PDZRN4: variants seen among roughly 807,000 people sequenced by gnomAD.
The protein encoded by PDZRN4 is PDZ domain-containing RING finger protein 4.
PDZRN4 carries 70 observed loss-of-function variants against 99.0 expected under a neutral mutation model. The ratio of observed to expected loss-of-function variants is 0.71; its 90% CI spans 0.58 to 0.86. PDZRN4 has a LOEUF of 0.86. PDZRN4 is among the 40% of genes least tolerant of loss of function. The pLI, the probability that PDZRN4 is intolerant of heterozygous loss-of-function variation, is 0.00. For missense variants in PDZRN4, 1,474 were observed against 1,331.2 expected, an observed-to-expected ratio of 1.11 and a Z score of -1.67; for synonymous variants, 551 against 501.6, an observed-to-expected ratio of 1.10 and a Z score of -1.32.
At chr12:41,521,467 A>T (rs1442111817) in intron 5 of PDZRN4, among the ~76,000 whole-genome samples, 1 of 152,118 alleles carries the variant, frequency 6.6e-6, no homozygotes, top group Admixed American at 6.6e-5. Flanking sequence ...ACAATAAGAG[A>T]TATTAGAGAT....
chr12:41,280,812 T>C (rs1951379482), intron 3 of PDZRN4, among the ~76,000 whole-genome samples: 1 of 152,160 alleles, frequency 6.6e-6, no homozygotes, highest in Admixed American at 6.5e-5. Flanking sequence ...CGTTCATACC[T>C]GCAGGCTCTA....
At chr12:41,490,236 A>G (rs1276813155) in intron 3 of PDZRN4, among the ~76,000 whole-genome samples, 1 of 152,158 alleles carries the variant, frequency 6.6e-6, no homozygotes, top group Non-Finnish European at 1.5e-5. Flanking sequence ...TGTGTTTGAA[A>G]CTTACCATGG....
At chr12:41,382,947 T>G (rs1465263524) in intron 3 of PDZRN4, among the ~76,000 whole-genome samples, 1 of 152,220 alleles carries the variant, frequency 6.6e-6, no homozygotes, top group Non-Finnish European at 1.5e-5. Flanking sequence ...ATAAAATGAT[T>G]CATAACCTTT....
chr12:41,521,244 A>C (rs1407046796), intron 5 of PDZRN4, among the ~76,000 whole-genome samples: 1 of 152,096 alleles, frequency 6.6e-6, no homozygotes, highest in Non-Finnish European at 1.5e-5. Flanking sequence ...GTTAAATCTG[A>C]TACTTTTTCT....
chr12:41,200,870 C>A (rs186581806), intron 3 of PDZRN4, among the ~76,000 whole-genome samples: 21 of 152,150 alleles, frequency 1.4e-4, no homozygotes, highest in Non-Finnish European at 2.6e-4. Context: ...CCATTTGAAC[C>A]ATATACGTTT....
chr12:41,289,210 C>T (rs1352261927), intron 3 of PDZRN4, among the ~76,000 whole-genome samples: 3 of 152,186 alleles, frequency 2.0e-5, no homozygotes, highest in African/African-American at 2.4e-5. Flanking sequence ...AGTTCATGCT[C>T]ATCCACGAAC....
At chr12:41,415,134 T>C (rs944420846) in intron 3 of PDZRN4, among the ~76,000 whole-genome samples, 2 of 152,040 alleles carry the variant, frequency 1.3e-5, no homozygotes, top group African/African-American at 4.8e-5. Context: ...TATACCTCCA[T>C]TGAGATGAGC....
At chr12:41,439,180 G>A (rs1180697849) in intron 3 of PDZRN4, among the ~76,000 whole-genome samples, 1 of 152,152 alleles carries the variant, frequency 6.6e-6, no homozygotes, top group Non-Finnish European at 1.5e-5. Context: ...AAAAATGACT[G>A]CTTTATCACC....
intron 6 of PDZRN4, among the ~76,000 whole-genome samples, chr12:41,555,240 A>AAAAAAGAAAAG (rs1939134840): frequency 1.5e-5 from 2 of 136,566 alleles, no homozygotes; most frequent in Non-Finnish European, 3.1e-5. Flanking sequence ...CAAAAAAAAA[A>AAAAAAGAAAAG]AAAAAAAAAG....
In PDZRN4 at chr12:41,558,515, C is replaced by T. The variant is rs559219391; in HGVS notation, c.1365+2755C>T. ...GTTATTAAAATTTCATTCATTTGTT[C>T]TGTGGGTATAGTTGGATGGAAATAA... On this transcript the variant is annotated intron_variant, in intron 7 of 9. Coordinates refer to ENST00000402685, the MANE Select transcript of PDZRN4 (RefSeq NM_001164595.2). 2.0e-5 allele frequency among the ~76,000 whole-genome samples: 3 copies of T among 152,242 alleles called. No homozygotes were observed. In the East Asian group the frequency reaches 5.8e-4, roughly 29 times the overall value.
chr12:41,407,430 A>T (rs1029022850), intron 3 of PDZRN4, among the ~76,000 whole-genome samples: 4 of 152,196 alleles, frequency 2.6e-5, no homozygotes, highest in Admixed American at 2.0e-4. Flanking sequence ...TGGATAACCC[A>T]TTTGGGAAAA....
At chr12:41,258,968 C>T (rs968533957) in intron 3 of PDZRN4, among the ~76,000 whole-genome samples, 21 of 151,822 alleles carry the variant, frequency 1.4e-4, no homozygotes, top group African/African-American at 4.6e-4. Flanking sequence ...TAGTACATGG[C>T]GGGGGGGCAC....
At position 41,573,874 on chromosome 12, in the gene PDZRN4, C is replaced by T. The variant is rs1592120035; in HGVS notation, c.3095C>T (p.Ser1032Leu). 2.5e-6 allele frequency: 4 copies of T among 1,570,138 alleles called. No homozygotes were observed. Among genetic ancestry groups the T allele is most frequent in the East Asian group, 2.2e-5 (1 of 44,724 alleles). ...ACGAGAGTCCATAATGCCTTCTTGT[C>T]GGTGACCACTGTATGACCGAATGAA... ...DGTRVHNAFL[S>L]VTTV The change falls in exon 10 of 10, where the codon TCG becomes TTG. Residue 1032 changes from serine (S) to leucine (L), a missense_variant. By Grantham distance (145) the Ser-to-Leu change is moderately radical. Transcript: ENST00000402685.
At chr12:41,212,685 G>A (rs532329404) in intron 3 of PDZRN4, among the ~76,000 whole-genome samples, 17 of 152,156 alleles carry the variant, frequency 1.1e-4, no homozygotes, top group South Asian at 1.0e-3. Context: ...ATTAGGAATT[G>A]TAGTAAATGT....
intron 3 of PDZRN4, among the ~76,000 whole-genome samples, chr12:41,443,171 G>T (rs1952695590): frequency 1.3e-5 from 2 of 152,126 alleles, no homozygotes; most frequent in African/African-American, 4.8e-5. Flanking sequence ...GGTAGCATAA[G>T]AGAGGCATAA....
intron 3 of PDZRN4, among the ~76,000 whole-genome samples, chr12:41,227,876 T>A (rs921870386): frequency 3.2e-5 from 3 of 94,144 alleles, no homozygotes; most frequent in African/African-American, 1.0e-4. Context: ...AGCAAAAATC[T>A]ACACACACAC....
chr12:41,450,339 A>G (rs1952764366), intron 3 of PDZRN4, among the ~76,000 whole-genome samples: 1 of 152,206 alleles, frequency 6.6e-6, no homozygotes, highest in African/African-American at 2.4e-5. Context: ...TCAGTGGCCC[A>G]CATATAACCT....
intron 3 of PDZRN4, among the ~76,000 whole-genome samples, chr12:41,319,504 C>T (rs118079879): frequency 0.017 from 2,649 of 152,148 alleles, 28 homozygotes; most frequent in African/African-American, 0.02. Context: ...GCTTCAAAGA[C>T]CCTTAAAACC....
Position 41,423,389 on chromosome 12 carries a change from T to C in PDZRN4, c.844-83067T>C, listed in dbSNP as rs193047260. Among the ~76,000 whole-genome samples, 465 of 152,208 alleles carry C rather than the reference T, an allele frequency of 3.1e-3. 2 individuals carry two copies. The highest frequency in any genetic ancestry group is 5.6e-3 in the Non-Finnish European group (382 of 68,002). On this transcript the variant is annotated intron_variant, in intron 3 of 9. Coordinates refer to ENST00000402685, the MANE Select transcript of PDZRN4 (RefSeq NM_001164595.2). The stretch of plus-strand genomic sequence containing the variant: ...TAACTCCCACTGATAAGTGAGAACA[T>C]GAGGTGTTTGGTTTTCGGTTCTTGC...
Sources: gnomAD v4.1 joint callset for allele counts (sites outside exome capture counted in the v4.1 genomes callset) on GRCh38, gnomAD v4.1.1 for gene constraint, MANE v1.5 for transcripts, NCBI Gene and HGNC (gene_info 2026-07-23, HGNC 2026-07-21) for gene names.